SPG11: variants seen among roughly 807,000 people sequenced by gnomAD.
The protein encoded by SPG11 is spatacsin.
In SPG11, 222 loss-of-function variants were observed where a neutral mutation model predicts 274.0. That is an observed-to-expected ratio of 0.81 (90% confidence interval 0.73 to 0.91). The LOEUF (loss-of-function observed/expected upper bound fraction) is 0.91. Ranked by LOEUF, SPG11 falls within the 40% of genes least tolerant of loss-of-function variation. The pLI, the probability that SPG11 is intolerant of heterozygous loss-of-function variation, is 0.00. For missense variants in SPG11, 3,114 were observed against 2,872.7 expected, an observed-to-expected ratio of 1.08 and a Z score of -1.92; for synonymous variants, 1,144 against 1,039.7, an observed-to-expected ratio of 1.10 and a Z score of -1.93.
chr15:44,588,114 G>A (rs548959857), intron 28 of SPG11, among the ~76,000 whole-genome samples: 1 of 152,224 alleles, frequency 6.6e-6, no homozygotes, highest in South Asian at 2.1e-4. Flanking sequence ...GAACATCTGT[G>A]AGTTTAAATG....
Position 44,595,398 on chromosome 15 carries a change from G to GCT in SPG11, c.4495_4496insAG (p.Ala1499GlufsTer31). ...CTGAATGTGTCCCATTGCTTCAGTT[G>GCT]CAACATTGTCCTCCACAGAAGTGAT... is the stretch of plus-strand genomic sequence containing the variant. On this transcript the variant is annotated frameshift_variant, in exon 26 of 40. Transcript: ENST00000261866. LOFTEE classifies it high-confidence loss of function. 6.2e-7 allele frequency: 1 copy of GCT among 1,614,170 alleles called. No individual in the cohort carries two copies.
At chr15:44,568,136 A>G (rs1437612458) in intron 35 of SPG11, among the ~76,000 whole-genome samples, 7 of 152,202 alleles carry the variant, frequency 4.6e-5, no homozygotes, top group Non-Finnish European at 8.8e-5. Context: ...ATGTGCAAAG[A>G]AGGCCTATAC....
intron 20 of SPG11, 143 bp from the exon 21 acceptor site, chr15:44,600,775 G>C (rs559995402): frequency 6.9e-6 from 6 of 874,658 alleles, no homozygotes; most frequent in African/African-American, 3.4e-5. Flanking sequence ...ACCAAAATCT[G>C]ATTTATTTTA....
At chr15:44,608,652 T>G (rs779181929) in intron 18 of SPG11, 47 bp from the exon 19 acceptor site, 7 of 1,583,920 alleles carry the variant, frequency 4.4e-6, no homozygotes, top group Non-Finnish European at 6.0e-6. Context: ...ATTTTTCTCT[T>G]CTCAAAGTTT....
At chr15:44,662,017 T>TC (rs1169948836) in intron 1 of SPG11, among the ~76,000 whole-genome samples, 1 of 152,190 alleles carries the variant, frequency 6.6e-6, no homozygotes, top group African/African-American at 2.4e-5. Flanking sequence ...GGTCTTACCT[T>TC]CCCTGCTGGG....
At chr15:44,563,726 C>CGCTG (rs1015654538) in intron 39 of SPG11, among the ~76,000 whole-genome samples, 1 of 151,940 alleles carries the variant, frequency 6.6e-6, no homozygotes, top group African/African-American at 2.4e-5. Flanking sequence ...AACTCCTGGG[C>CGCTG]TCAGCTGCTT....
At position 44,583,979 on chromosome 15, in the gene SPG11, A is replaced by T. The variant is rs1595842737; in HGVS notation, c.5701T>A (p.Phe1901Ile). Residue 1901 changes from phenylalanine to isoleucine, a missense_variant, in exon 30 of 40, where the codon TTT (phenylalanine) becomes ATT (isoleucine). Transcript: ENST00000261866. The stretch of plus-strand genomic sequence containing the variant: ...GCGACATCTGGATTATAAAAATGAA[A>T]ATACCGGCATACTCTACTTGCTTCA... ...VHEASRVCRY[F>I]HFYNPDVALV... 2 of 1,614,174 alleles carry T rather than the reference A, an allele frequency of 1.2e-6. No homozygotes were observed. Among genetic ancestry groups the T allele is most frequent in the Non-Finnish European group, 8.5e-7 (1 of 1,180,028 alleles).
At chr15:44,597,247 G>T in intron 23 of SPG11, 1 of 299,434 alleles carries the variant, frequency 3.3e-6, no homozygotes, top group Non-Finnish European at 6.5e-6. Context: ...CGAGTAGCTG[G>T]GATTACAGGC....
intron 28 of SPG11, 109 bp from the exon 29 acceptor site, chr15:44,585,959 T>C (rs2082753739): frequency 3.6e-6 from 3 of 841,500 alleles, no homozygotes; most frequent in Admixed American, 2.5e-5. Flanking sequence ...CATAGTAATG[T>C]GGTTAAAGGA....
chr15:44,591,170 C>T (rs529480640), intron 27 of SPG11, among the ~76,000 whole-genome samples: 15 of 152,310 alleles, frequency 9.8e-5, no homozygotes, highest in African/African-American at 3.6e-4. Flanking sequence ...GCTTTTGCAG[C>T]ATCTCCCTTA....
At chr15:44,574,870 C>G (rs751181128) in intron 31 of SPG11, 32 bp downstream of exon 31, 3 of 1,612,920 alleles carry the variant, frequency 1.9e-6, no homozygotes, top group Non-Finnish European at 2.5e-6. Context: ...CCCTCCCTCT[C>G]AGAAAGAGGA....
Position 44,651,776 on chromosome 15 carries a change from T to C in SPG11, c.1171A>G (p.Ile391Val), listed in dbSNP as rs145958193. The C allele has an allele frequency of 3.2e-5, 52 of 1,614,110 alleles. No homozygotes were observed. In the African/African-American group the frequency reaches 5.3e-4, roughly 17 times the overall value. ...AGAACATTATATTGCCCATGCATTA[T>C]GTCCTGTGGAATGAAGGCCCAGCTC... ...VQSWAFIPQD[I>V]MHGQYNVLQK... Residue 391 changes from isoleucine (I) to valine (V), a missense_variant, in exon 6 of 40, where the codon ATA becomes GTA. Coordinates refer to ENST00000261866, the MANE Select transcript of SPG11 (RefSeq NM_025137.4).
chr15:44,617,789 C>T (rs2083627452), intron 15 of SPG11, among the ~76,000 whole-genome samples: 2 of 152,104 alleles, frequency 1.3e-5, no homozygotes, highest in Non-Finnish European at 2.9e-5. Context: ...GATCCTCCTG[C>T]CTCAGCCTTC....
rs752834137 is a variant in SPG11, at chr15:44,659,180, T to C, written c.566A>G (p.Asn189Ser). 8 of 1,614,112 alleles carry C rather than the reference T, an allele frequency of 5.0e-6. No individual in the cohort carries two copies. In the Admixed American group the frequency reaches 5.0e-5, roughly 10 times the overall value. ...TGCAGGCAAGGGAAGTGTGAAACAG[T>C]TGAGTACTCTAATTGCAGCATCTCT... ...PERDAAIRVL[N>S]CFTLPLPAQA... is the part of the protein sequence containing the mutation. Residue 189 changes from asparagine (N) to serine (S), a missense_variant, in exon 3 of 40, where the codon AAC becomes AGC. Physicochemically the swap from Asn to Ser is conservative, Grantham distance 46. Transcript: ENST00000261866.
intron 21 of SPG11, 176 bp downstream of exon 21, chr15:44,600,291 C>CTTTTT: frequency 1.6e-6 from 1 of 620,362 alleles, no homozygotes; most frequent in Non-Finnish European, 2.8e-6. Flanking sequence ...TTTTATTTTA[C>CTTTTT]TTTTTTTGTT....
In SPG11 at chr15:44,567,600, G is replaced by A. The variant is rs778033975; in HGVS notation, c.6586-8C>T. The stretch of plus-strand genomic sequence containing the variant: ...TGTTTTCAGGGTACCACTCTGCCCA[G>A]AATAAAAGGGAAAAAGCAAGGTGTC... On this transcript the variant is annotated splice_region_variant and splice_polypyrimidine_tract_variant and intron_variant, in intron 35 of 39. Coordinates refer to ENST00000261866, the MANE Select transcript of SPG11 (RefSeq NM_025137.4). 9.3e-6 allele frequency: 15 copies of A among 1,613,906 alleles called. No homozygotes were observed. The South Asian group carries it at 1.5e-4, about 17-fold the overall frequency.
intron 1 of SPG11, 147 bp from the exon 2 acceptor site, chr15:44,660,763 T>C (rs2085082024): frequency 1.3e-6 from 1 of 780,976 alleles, no homozygotes; most frequent in East Asian, 2.7e-5. Context: ...GAACATAAAC[T>C]GCTCTAGGAC....
Position 44,583,045 on chromosome 15 carries a change from AAAAGGCATACAGATTGG to A in SPG11, c.5866+752_5866+768del, listed in dbSNP as rs1274778765. Among the ~76,000 whole-genome samples the A allele has an allele frequency of 3.3e-5, 5 of 152,130 alleles. 1 individual carries two copies. Among genetic ancestry groups the A allele is most frequent in the Non-Finnish European group, 7.3e-5 (5 of 68,036 alleles). On this transcript the variant is annotated intron_variant, in intron 30 of 39. Coordinates refer to ENST00000261866, the MANE Select transcript of SPG11 (RefSeq NM_025137.4). ...GTGCAATAAAGCAAGAACAAGAAAT[AAAAGGCATACAGATTGG>A]AAAGGCAGAAATACAACTCTATTTG...
chr15:44,582,590 T>C (rs1018091567), intron 30 of SPG11, among the ~76,000 whole-genome samples: 3 of 151,794 alleles, frequency 2.0e-5, no homozygotes, highest in African/African-American at 7.3e-5. Context: ...AGAATAACAT[T>C]CCTCATGAAC....
Sources: gnomAD v4.1 joint callset for allele counts (sites outside exome capture counted in the v4.1 genomes callset) on GRCh38, gnomAD v4.1.1 for gene constraint, MANE v1.5 for transcripts, NCBI Gene and HGNC (gene_info 2026-07-23, HGNC 2026-07-21) for gene names.